Variants in GPC6 observed in about 807,000 individuals in gnomAD.
GPC6 encodes the protein glypican 6, also known as glypican-6.
A neutral mutation model predicts 55.2 loss-of-function variants in GPC6; 14 were observed. The observed-to-expected ratio is 0.25, with a 90% CI of 0.17 to 0.40. The LOEUF (loss-of-function observed/expected upper bound fraction) is 0.40. Ranked by LOEUF, GPC6 falls within the 10% of genes least tolerant of loss-of-function variation. GPC6 has a pLI of 1.00. For synonymous variants in GPC6, 278 were observed against 259.6 expected, an observed-to-expected ratio of 1.07 and a Z score of -0.68; for missense variants, 641 against 708.5, an observed-to-expected ratio of 0.90 and a Z score of 1.08.
At chr13:93,869,749 G>A (rs998511366) in intron 3 of GPC6, among the ~76,000 whole-genome samples, 1 of 151,832 alleles carries the variant, frequency 6.6e-6, no homozygotes, top group South Asian at 2.1e-4. Context: ...TTAACTGAGG[G>A]GTATTTTCTA....
intron 3 of GPC6, among the ~76,000 whole-genome samples, chr13:93,907,016 T>A (rs1216854463): frequency 6.6e-6 from 1 of 152,192 alleles, no homozygotes; most frequent in Non-Finnish European, 1.5e-5. Flanking sequence ...AGTTAACTTT[T>A]CAAATTGTGT....
chr13:94,146,831 A>C (rs551510350), intron 4 of GPC6, among the ~76,000 whole-genome samples: 1 of 152,318 alleles, frequency 6.6e-6, no homozygotes, highest in Non-Finnish European at 1.5e-5. Flanking sequence ...TTGGGGATAA[A>C]ATGAGCGTTG....
At chr13:93,781,020 G>T (rs987229182) in intron 2 of GPC6, among the ~76,000 whole-genome samples, 4 of 152,132 alleles carry the variant, frequency 2.6e-5, no homozygotes, top group Non-Finnish European at 4.4e-5. Context: ...GCTCATGCCT[G>T]TAATCCCAGC....
intron 4 of GPC6, among the ~76,000 whole-genome samples, chr13:94,159,220 TTCC>T (rs768031100): frequency 6.6e-5 from 10 of 152,272 alleles, no homozygotes; most frequent in Non-Finnish European, 1.3e-4. Context: ...GAGCCTCAGA[TTCC>T]TCACTTGTTG....
At chr13:94,293,521 T>A (rs1875127588) in intron 5 of GPC6, among the ~76,000 whole-genome samples, 1 of 152,190 alleles carries the variant, frequency 6.6e-6, no homozygotes, top group African/African-American at 2.4e-5. Flanking sequence ...ATTAAACCTC[T>A]TTTCTTTGTA....
At chr13:94,258,613 A>G (rs1891568528) in intron 4 of GPC6, among the ~76,000 whole-genome samples, 1 of 152,210 alleles carries the variant, frequency 6.6e-6, no homozygotes, top group South Asian at 2.1e-4. Context: ...TTGTTAGGAT[A>G]GAGGTATCTT....
intron 1 of GPC6, among the ~76,000 whole-genome samples, chr13:93,376,782 T>C (rs2139198554): frequency 6.6e-6 from 1 of 152,184 alleles, no homozygotes; most frequent in African/African-American, 2.4e-5. Flanking sequence ...CTCACTTTTT[T>C]TTTTTTTTTG....
rs947174558 is a variant in GPC6 at position 93,742,853 on chromosome 13, G to A, written c.320-87301G>A. ...CAGATGAATATTACCAGTAAAATATGGGTTTCCAACATTCCCGTCTGCAGT... is the reference window on the plus strand; with the variant it reads ...CAGATGAATATTACCAGTAAAATATAGGTTTCCAACATTCCCGTCTGCAGT... On this transcript the variant is annotated intron_variant, in intron 2 of 8. Transcript: ENST00000377047. 2.6e-5 allele frequency among the ~76,000 whole-genome samples: 4 copies of A among 152,104 alleles called. No homozygotes were observed. The East Asian group carries it at 5.8e-4, about 22-fold the overall frequency.
chr13:94,003,091 G>T (rs758636550), intron 3 of GPC6, among the ~76,000 whole-genome samples: 17 of 152,170 alleles, frequency 1.1e-4, no homozygotes, highest in Non-Finnish European at 2.4e-4. Flanking sequence ...TGAAGGCACA[G>T]CTAACTAAGC....
rs1381268186 is a variant in GPC6 at position 93,314,752 on chromosome 13, T to TGCGC, written c.160+87137_160+87138insCGCG. 3.3e-3 allele frequency among the ~76,000 whole-genome samples: 487 copies of TGCGC among 148,490 alleles called. 2 individuals carry two copies. The highest frequency in any genetic ancestry group is 8.6e-3 in the African/African-American group (337 of 39,034). On this transcript the variant is annotated intron_variant, in intron 1 of 8. Coordinates refer to ENST00000377047, the MANE Select transcript of GPC6 (RefSeq NM_005708.5). ...GTGTGTGTGTGTGTGTGTGTGTGTG[T>TGCGC]GTGTGCACGCATGTGCTGAGAAATG...
chr13:93,836,766 G>T (rs1421415331), intron 3 of GPC6, among the ~76,000 whole-genome samples: 1 of 151,922 alleles, frequency 6.6e-6, no homozygotes, highest in African/African-American at 2.4e-5. Flanking sequence ...AATTGATATT[G>T]GGACTAGGAA....
intron 2 of GPC6, among the ~76,000 whole-genome samples, chr13:93,611,882 T>A (rs1878478629): frequency 6.6e-6 from 1 of 152,236 alleles, no homozygotes. Context: ...TTAGATCTAT[T>A]CTTTATGAGG....
chr13:93,415,989 G>T (rs74709424), intron 1 of GPC6, among the ~76,000 whole-genome samples: 2,624 of 152,182 alleles, frequency 0.017, 89 homozygotes, highest in African/African-American at 0.06. Context: ...TTGAATGACA[G>T]AAAGGTAGTT....
At chr13:93,567,159 G>A (rs1235380091) in intron 2 of GPC6, among the ~76,000 whole-genome samples, 2 of 152,098 alleles carry the variant, frequency 1.3e-5, no homozygotes, top group Admixed American at 6.5e-5. Flanking sequence ...CACAATGGTT[G>A]AACTAATTTA....
intron 1 of GPC6, among the ~76,000 whole-genome samples, chr13:93,471,919 T>C (rs1255364666): frequency 1.3e-5 from 2 of 152,212 alleles, no homozygotes; most frequent in African/African-American, 4.8e-5. Flanking sequence ...TCAGTGCTTC[T>C]CCGTTCTTGC....
chr13:93,560,742 G>A (rs542202368), intron 2 of GPC6, among the ~76,000 whole-genome samples: 58 of 149,044 alleles, frequency 3.9e-4, no homozygotes, highest in Non-Finnish European at 6.5e-4. Flanking sequence ...CTCCAGCCTG[G>A]GCGACAGAGC....
intron 1 of GPC6, among the ~76,000 whole-genome samples, chr13:93,472,716 T>C (rs912741317): frequency 6.6e-6 from 1 of 152,200 alleles, no homozygotes; most frequent in Non-Finnish European, 1.5e-5. Flanking sequence ...CTTTGCAATG[T>C]GTTGAGAAAG....
intron 4 of GPC6, among the ~76,000 whole-genome samples, chr13:94,082,343 C>T (rs1469648169): frequency 6.6e-6 from 1 of 152,108 alleles, no homozygotes; most frequent in Non-Finnish European, 1.5e-5. Context: ...CTATTTCAGG[C>T]CCCAGACACA....
At chr13:94,029,987 A>C (rs182065260) in intron 4 of GPC6, among the ~76,000 whole-genome samples, 1 of 150,696 alleles carries the variant, frequency 6.6e-6, no homozygotes, top group East Asian at 2.0e-4. Context: ...AACGTATTTC[A>C]TACCCTTTCT....
Sources: gnomAD v4.1 joint callset for allele counts (sites outside exome capture counted in the v4.1 genomes callset) on GRCh38, gnomAD v4.1.1 for gene constraint, MANE v1.5 for transcripts, NCBI Gene and HGNC (gene_info 2026-07-23, HGNC 2026-07-21) for gene names.